ROBO2: variants seen among roughly 807,000 people sequenced by gnomAD.
ROBO2 encodes the protein roundabout guidance receptor 2.
In ROBO2, 53 loss-of-function variants were observed where a neutral mutation model predicts 160.8. The observed-to-expected ratio is 0.33, with a 90% CI of 0.26 to 0.41. ROBO2 has a LOEUF of 0.41. ROBO2 is among the 10% of genes least tolerant of loss of function. The pLI, the probability that ROBO2 is intolerant of heterozygous loss-of-function variation, is 1.00. For synonymous variants in ROBO2, 664 were observed against 611.7 expected (o/e 1.09, Z -1.26); for missense variants, 1,577 against 1,722.4 (o/e 0.92, Z 1.49).
At chr3:76,589,162 T>A (rs565717368) in intron 2 of ROBO2, among the ~76,000 whole-genome samples, 2 of 152,304 alleles carry the variant, frequency 1.3e-5, no homozygotes, top group African/African-American at 4.8e-5. Context: ...TTAAATAATT[T>A]ATCTGTGGTA....
At chr3:76,603,331 C>A (rs1485436516) in intron 2 of ROBO2, among the ~76,000 whole-genome samples, 3 of 37,192 alleles carry the variant, frequency 8.1e-5, no homozygotes, top group African/African-American at 1.4e-4. Context: ...GACTCCATCT[C>A]CAAAAAAAAA....
At chr3:76,036,146 G>T (rs940459744) in intron 2 of ROBO2, among the ~76,000 whole-genome samples, 1 of 151,856 alleles carries the variant, frequency 6.6e-6, no homozygotes, top group African/African-American at 2.4e-5. Context: ...AGGTTAGAAA[G>T]AAATTGGCTC....
intron 2 of ROBO2, among the ~76,000 whole-genome samples, chr3:76,678,532 TTAA>T (rs1203702352): frequency 6.6e-6 from 1 of 152,232 alleles, no homozygotes; most frequent in Admixed American, 6.5e-5. Context: ...AAGCAGGCTC[TTAA>T]TGATCACAGA....
chr3:76,590,352 G>T (rs1181803705), intron 2 of ROBO2, among the ~76,000 whole-genome samples: 1 of 152,024 alleles, frequency 6.6e-6, no homozygotes, highest in Non-Finnish European at 1.5e-5. Flanking sequence ...TGCAGATTTT[G>T]ACAAGACTAA....
At chr3:76,117,804 T>C (rs887720097) in intron 2 of ROBO2, among the ~76,000 whole-genome samples, 3 of 152,288 alleles carry the variant, frequency 2.0e-5, no homozygotes, top group African/African-American at 7.2e-5. Flanking sequence ...ACAAAAACTA[T>C]CATATATGTT....
intron 2 of ROBO2, among the ~76,000 whole-genome samples, chr3:77,407,554 G>A (rs2076350465): frequency 1.3e-5 from 2 of 152,152 alleles, no homozygotes; most frequent in African/African-American, 4.8e-5. Context: ...AATAAAGAGA[G>A]CTTAGCTATC....
intron 2 of ROBO2, among the ~76,000 whole-genome samples, chr3:77,345,684 A>G (rs560154614): frequency 1.1e-3 from 169 of 152,262 alleles, no homozygotes; most frequent in Non-Finnish European, 2.0e-3. Flanking sequence ...CACTTAAATT[A>G]GCTGTATTTA....
intron 2 of ROBO2, among the ~76,000 whole-genome samples, chr3:76,382,196 A>T (rs538510179): frequency 6.6e-6 from 1 of 152,228 alleles, no homozygotes; most frequent in East Asian, 1.9e-4. Context: ...TTGAACTCTT[A>T]GGTTTAAATG....
chr3:77,536,739 G>A lies in ROBO2; in HGVS notation c.935-9599G>A, dbSNP rs143571955. On this transcript the variant is annotated intron_variant, in intron 6 of 25. Transcript: ENST00000461745. ...ATTGGATAGTATTATGAATTGAATT[G>A]CCATGCAACATCTGAATTCATTTTT... is the stretch of plus-strand genomic sequence containing the variant. 5.7e-3 allele frequency among the ~76,000 whole-genome samples: 866 copies of A among 152,182 alleles called. 7 individuals carry two copies. Among genetic ancestry groups the A allele is most frequent in the African/African-American group, 0.02 (811 of 41,520 alleles).
intron 1 of ROBO2, among the ~76,000 whole-genome samples, chr3:77,058,431 G>T (rs1462768647): frequency 6.6e-6 from 1 of 152,092 alleles, no homozygotes; most frequent in Non-Finnish European, 1.5e-5. Context: ...TCTTGTGAGG[G>T]TTAATAAAGA....
chr3:77,623,768 CTGCATATTTT>C lies in ROBO2; in HGVS notation c.3760+1346_3760+1355del, dbSNP rs528783811. Among the ~76,000 whole-genome samples the C allele has an allele frequency of 4.2e-4, 64 of 152,290 alleles. 1 individual carries two copies. The South Asian group carries it at 4.8e-3, about 11-fold the overall frequency. ...GCATAATCTCCTTCAGGGTAAAATT[CTGCATATTTT>C]TGCATATTTCACTAATGATACTGAA... On this transcript the variant is annotated intron_variant, in intron 23 of 25. Transcript: ENST00000461745.
At chr3:76,716,965 C>G (rs1164567001) in intron 2 of ROBO2, among the ~76,000 whole-genome samples, 1 of 152,148 alleles carries the variant, frequency 6.6e-6, no homozygotes, top group Non-Finnish European at 1.5e-5. Context: ...AGTGAAATAA[C>G]TGCCACATTT....
chr3:76,413,069 G>A (rs1167340885), intron 2 of ROBO2, among the ~76,000 whole-genome samples: 1 of 152,190 alleles, frequency 6.6e-6, no homozygotes, highest in Non-Finnish European at 1.5e-5. Flanking sequence ...CAAGGCTTGG[G>A]GCTTCCACCC....
chr3:77,565,967 C>T (rs527934813), intron 12 of ROBO2, among the ~76,000 whole-genome samples: 21 of 152,010 alleles, frequency 1.4e-4, no homozygotes, highest in African/African-American at 4.8e-4. Context: ...AAAATAGAAA[C>T]GGTAATTTTA....
chr3:77,323,238 C>T (rs924512692), intron 2 of ROBO2, among the ~76,000 whole-genome samples: 1 of 151,388 alleles, frequency 6.6e-6, no homozygotes, highest in African/African-American at 2.4e-5. Flanking sequence ...CCTACCTTTA[C>T]ATACTCAAGG....
intron 23 of ROBO2, chr3:77,629,733 C>A (rs1473815055): frequency 6.6e-6 from 1 of 152,028 alleles, no homozygotes; most frequent in African/African-American, 2.4e-5. Context: ...TAAGAAAATT[C>A]TTTCTATAGT....
chr3:76,249,872 A>C (rs1705880248), intron 2 of ROBO2, among the ~76,000 whole-genome samples: 1 of 152,112 alleles, frequency 6.6e-6, no homozygotes, highest in Non-Finnish European at 1.5e-5. Context: ...TTATTATAGA[A>C]TCTGTCTTTA....
At chr3:76,913,929 A>G (rs1184085421) in intron 2 of ROBO2, among the ~76,000 whole-genome samples, 1 of 148,466 alleles carries the variant, frequency 6.7e-6, no homozygotes, top group East Asian at 2.0e-4. Context: ...TAGAGGAGTA[A>G]CTGTGAATAA....
At chr3:76,956,556 C>CA (rs11369735) in intron 2 of ROBO2, among the ~76,000 whole-genome samples, 43,552 of 105,884 alleles carry the variant, frequency 0.41, 7,536 homozygotes, top group African/African-American at 0.51. Context: ...GACTCTGTCT[C>CA]AAAAAAAAAA....
Sources: gnomAD v4.1 joint callset for allele counts (sites outside exome capture counted in the v4.1 genomes callset) on GRCh38, gnomAD v4.1.1 for gene constraint, MANE v1.5 for transcripts, NCBI Gene and HGNC (gene_info 2026-07-23, HGNC 2026-07-21) for gene names.